Variants in SNX7 observed in about 807,000 individuals in gnomAD.
The protein encoded by SNX7 is sorting nexin-7.
In SNX7, 35 loss-of-function variants were observed where a neutral mutation model predicts 48.4. That is an observed-to-expected ratio of 0.72 (90% CI 0.55 to 0.96). The LOEUF is 0.96. SNX7 is among the 40% of genes least tolerant of loss of function. The probability of loss-of-function intolerance (pLI) is 0.00; values close to 1 mark genes in which losing one functional copy is unlikely to be tolerated. For synonymous variants in SNX7, 190 were observed against 190.2 expected, an observed-to-expected ratio of 1.00 and a Z score of 0.01; for missense variants, 553 against 548.9, an observed-to-expected ratio of 1.01 and a Z score of -0.07.
At chr1:98,715,139 C>G (rs549605023) in intron 7 of SNX7, among the ~76,000 whole-genome samples, 1 of 152,214 alleles carries the variant, frequency 6.6e-6, no homozygotes, top group East Asian at 1.9e-4. Flanking sequence ...CACCAGTTCT[C>G]TAATGTTTTT....
chr1:98,730,491 A>G (rs1308681938), intron 7 of SNX7, among the ~76,000 whole-genome samples: 1 of 152,092 alleles, frequency 6.6e-6, no homozygotes, highest in African/African-American at 2.4e-5. Context: ...ACACGAGCCT[A>G]TATCTAGAAA....
intron 8 of SNX7, among the ~76,000 whole-genome samples, chr1:98,759,071 T>C (rs1375755020): frequency 6.6e-6 from 1 of 152,078 alleles, no homozygotes; most frequent in African/African-American, 2.4e-5. Context: ...GGTTGTCCGA[T>C]ATAGACACTT....
In SNX7 at chr1:98,661,837, G is replaced by C. The variant is rs1304879421; in HGVS notation, c.106G>C (p.Gly36Arg). ...GGGAPFPGSS[G>R]SSALLQAEVL... ...CGGCGCCCCCTTTCCGGGCAGCAGT[G>C]GCTCTTCCGCCCTGCTGCAGGCGGA... is the stretch of plus-strand genomic sequence containing the variant. The change falls in exon 1 of 9, where the codon GGC becomes CGC. Residue 36 changes from glycine to arginine, a missense_variant. Gly to Arg is a moderately radical substitution (Grantham distance 125). Coordinates refer to ENST00000306121, the MANE Select transcript of SNX7 (RefSeq NM_015976.5). 13 of 1,246,418 alleles carry C rather than the reference G, an allele frequency of 1.0e-5. No homozygotes were observed. The South Asian group carries it at 1.6e-4, about 16-fold the overall frequency. The allele number at this position is 1,246,418 out of a possible 1,614,324, so 77.2% of individuals were successfully genotyped here.
At chr1:98,674,074 G>A (rs1650023769) in intron 1 of SNX7, among the ~76,000 whole-genome samples, 1 of 152,158 alleles carries the variant, frequency 6.6e-6, no homozygotes, top group South Asian at 2.1e-4. Flanking sequence ...TGCATTAAAG[G>A]AGGGTGGAAA....
chr1:98,691,935 A>ACTCTCTCT (rs1241403307), intron 4 of SNX7, among the ~76,000 whole-genome samples: 3 of 87,290 alleles, frequency 3.4e-5, no homozygotes, highest in South Asian at 8.8e-4. Flanking sequence ...ACACACACAC[A>ACTCTCTCT]CACTCTCTCT....
chr1:98,704,131 A>G (rs561396693), intron 7 of SNX7, among the ~76,000 whole-genome samples: 10 of 150,824 alleles, frequency 6.6e-5, no homozygotes, highest in African/African-American at 2.4e-4. Flanking sequence ...CTTCTGCTGT[A>G]TAAAAATTTT....
At chr1:98,670,677 G>A (rs763449199) in intron 1 of SNX7, among the ~76,000 whole-genome samples, 14 of 152,240 alleles carry the variant, frequency 9.2e-5, no homozygotes, top group Non-Finnish European at 1.6e-4. Context: ...ATCTAGGTTT[G>A]TGTAAGTGAA....
intron 7 of SNX7, among the ~76,000 whole-genome samples, chr1:98,703,301 T>C (rs1309370417): frequency 1.3e-5 from 2 of 152,182 alleles, no homozygotes; most frequent in African/African-American, 2.4e-5. Context: ...TTAATTAATA[T>C]TGTGAAAACC....
At chr1:98,670,420 G>A (rs1280495100) in intron 1 of SNX7, among the ~76,000 whole-genome samples, 1 of 152,164 alleles carries the variant, frequency 6.6e-6, no homozygotes, top group Non-Finnish European at 1.5e-5. Flanking sequence ...TGTAAAGGCT[G>A]GAAATGCAGC....
chr1:98,665,166 T>A (rs2100899086), intron 1 of SNX7, among the ~76,000 whole-genome samples: 1 of 152,320 alleles, frequency 6.6e-6, no homozygotes, highest in East Asian at 1.9e-4. Flanking sequence ...TAGCTCTAAT[T>A]GGCCTCTTTA....
intron 1 of SNX7, among the ~76,000 whole-genome samples, chr1:98,679,071 TA>T (rs1467952597): frequency 6.6e-6 from 1 of 152,124 alleles, no homozygotes; most frequent in African/African-American, 2.4e-5. Context: ...GATAAAGACA[TA>T]ACCAAGACTG....
chr1:98,670,882 A>C (rs1044119473), intron 1 of SNX7, among the ~76,000 whole-genome samples: 1 of 151,632 alleles, frequency 6.6e-6, no homozygotes, highest in Non-Finnish European at 1.5e-5. Context: ...TTATTTATTT[A>C]TTTATTTATT....
intron 5 of SNX7, 55 bp from the exon 6 acceptor site, chr1:98,698,651 T>C: frequency 6.7e-7 from 1 of 1,488,906 alleles, no homozygotes; most frequent in Non-Finnish European, 9.2e-7. Context: ...AGGATACAGG[T>C]ATTTTGAAAA....
chr1:98,678,691 G>A (rs972418025), intron 1 of SNX7, among the ~76,000 whole-genome samples: 1 of 152,032 alleles, frequency 6.6e-6, no homozygotes, highest in Non-Finnish European at 1.5e-5. Flanking sequence ...TGTCAAACTT[G>A]GGACTGTTTA....
chr1:98,674,944 G>T (rs150855394), intron 1 of SNX7, among the ~76,000 whole-genome samples: 15 of 152,222 alleles, frequency 9.9e-5, no homozygotes, highest in African/African-American at 3.4e-4. Context: ...AGGAGTAAAC[G>T]TGATTTAAGA....
Position 98,701,819 on chromosome 1 carries a change from T to C in SNX7, c.1041T>C (p.Gly347=), listed in dbSNP as rs1230404770. The change falls in exon 7 of 9, where the codon GGT becomes GGC. Residue 347 remains glycine (G), a splice_region_variant and synonymous_variant. Coordinates refer to ENST00000306121, the MANE Select transcript of SNX7 (RefSeq NM_015976.5). ...TATCTGTGTGTTTTAATGTAAAGGG[T>C]GTTATGAAAAGAAGAGACCAAATAC... ...EYVLYSEMLM[G]VMKRRDQIQA... 6.2e-7 allele frequency: 1 copy of C among 1,605,240 alleles called. No homozygotes were observed. The highest frequency in any genetic ancestry group is 1.1e-5 in the South Asian group (1 of 89,462).
In SNX7 at chr1:98,760,199, T is replaced by C; in HGVS notation, c.*68T>C. On this transcript the variant is annotated 3_prime_UTR_variant, in exon 9 of 9. Transcript: ENST00000306121. ...ATTAACCAAAGTTATTCTTTCTGGA[T>C]CTGCCGTGTCCTTATAAAGTGGATG... The C allele has an allele frequency of 8.1e-7, 1 of 1,238,206 alleles. No homozygotes were observed. The highest frequency in any genetic ancestry group is 1.5e-5 in the African/African-American group (1 of 67,524). The allele number at this position is 1,238,206 out of a possible 1,614,324, so 76.7% of individuals were successfully genotyped here.
At chr1:98,733,947 T>G (rs1653646617) in intron 7 of SNX7, among the ~76,000 whole-genome samples, 1 of 152,146 alleles carries the variant, frequency 6.6e-6, no homozygotes, top group Non-Finnish European at 1.5e-5. Context: ...TTCAGTGGAT[T>G]ATCATCTCTT....
At chr1:98,696,222 A>C (rs1477531322) in intron 5 of SNX7, among the ~76,000 whole-genome samples, 1 of 151,818 alleles carries the variant, frequency 6.6e-6, no homozygotes. Context: ...TTCTAATTCT[A>C]ATCACGTGAT....
Sources: allele counts gnomAD v4.1 joint callset (sites outside exome capture counted in the v4.1 genomes callset), GRCh38; gene constraint gnomAD v4.1.1; transcripts MANE v1.5; gene names NCBI Gene and HGNC (gene_info 2026-07-23, HGNC 2026-07-21).